PER1: variants seen among roughly 807,000 people sequenced by gnomAD.
The protein encoded by PER1 is period circadian protein homolog 1.
PER1 carries 87 observed loss-of-function variants against 125.9 expected under a neutral mutation model. The ratio of observed to expected loss-of-function variants is 0.69; its 90% CI spans 0.58 to 0.83. The LOEUF is 0.83. PER1 is among the 40% of genes least tolerant of loss of function. The pLI is 0.00. For missense variants in PER1, 1,775 were observed against 1,722.8 expected (o/e 1.03, Z -0.54); for synonymous variants, 801 against 714.7 (o/e 1.12, Z -1.93).
intron 1 of PER1, among the ~76,000 whole-genome samples, chr17:8,151,287 C>A (rs999446649): frequency 6.6e-6 from 1 of 152,254 alleles, no homozygotes; most frequent in Non-Finnish European, 1.5e-5. Context: ...GGCCCCACCA[C>A]GCGCTTCCGC....
intron 14 of PER1, 39 bp from the exon 15 acceptor site, chr17:8,146,804 G>A (rs1982477441): frequency 6.2e-7 from 1 of 1,606,778 alleles, no homozygotes; most frequent in Non-Finnish European, 8.5e-7. Context: ...GCCTTCTCAA[G>A]CTCACATGGA....
chr17:8,143,245 G>A (rs754681633), intron 19 of PER1, 21 bp downstream of exon 19: 2 of 1,446,118 alleles, frequency 1.4e-6, no homozygotes, highest in Non-Finnish European at 1.8e-6. Flanking sequence ...CTGGCAGGCA[G>A]ACGCAGGGGT....
chr17:8,148,336 A>G (rs772937960), intron 8 of PER1, 77 bp from the exon 9 acceptor site: 31 of 1,255,682 alleles, frequency 2.5e-5, no homozygotes, highest in Non-Finnish European at 3.6e-5. Flanking sequence ...GCCTGGGCCC[A>G]GGCTGGCTGA....
intron 1 of PER1, among the ~76,000 whole-genome samples, chr17:8,152,096 G>A (rs1982893139): frequency 6.6e-6 from 1 of 152,196 alleles, no homozygotes; most frequent in African/African-American, 2.4e-5. Context: ...CTGTGGGGCC[G>A]GGAAAGCTGG....
intron 1 of PER1, among the ~76,000 whole-genome samples, chr17:8,151,393 T>C (rs983025770): frequency 6.6e-6 from 1 of 152,104 alleles, no homozygotes; most frequent in African/African-American, 2.4e-5. Flanking sequence ...CCCTCCCCCA[T>C]TTCCCGGCGG....
Position 8,141,242 on chromosome 17 carries a change from C to G in PER1, c.3699G>C (p.Glu1233Asp), listed in dbSNP as rs1385570509. 1.2e-6 allele frequency: 2 copies of G among 1,614,088 alleles called. No homozygotes were observed. The highest frequency in any genetic ancestry group is 1.7e-6 in the Non-Finnish European group (2 of 1,180,050). ...LDGLGLEPME[E>D]GGGEQGSSGG... ...CGCTGCTGCCCTGCTCGCCTCCACC[C>G]TCTTCCATGGGCTCCAGCCCCAGTC... The change falls in exon 23 of 23, where the codon GAG (glutamate) becomes GAC (aspartate). Residue 1233 changes from glutamate to aspartate, a missense_variant. Physicochemically the swap from Glu to Asp is conservative, Grantham distance 45 (BLOSUM62 2). Transcript: ENST00000317276.
intron 18 of PER1, chr17:8,144,218 TG>T (rs1328000244): frequency 5.0e-6 from 2 of 399,768 alleles, no homozygotes; most frequent in African/African-American, 2.1e-5. Context: ...CAAACTCCTG[TG>T]GGCACTGCCA....
intron 7 of PER1, 43 bp from the exon 8 acceptor site, chr17:8,148,829 C>T: frequency 1.2e-6 from 2 of 1,604,074 alleles, no homozygotes; most frequent in Non-Finnish European, 1.7e-6. Flanking sequence ...CAACAGAGAG[C>T]CACCCACTCC....
intron 18 of PER1, 182 bp from the exon 19 acceptor site, chr17:8,144,058 A>C (rs1279379818): frequency 6.7e-6 from 6 of 892,572 alleles, no homozygotes; most frequent in African/African-American, 1.7e-5. Flanking sequence ...CACAGGAGCC[A>C]GGGACAAGGG....
Position 8,148,035 on chromosome 17 carries a change from G to C in PER1, c.1196C>G (p.Pro399Arg). ...AGCCAGCATGAGGGGTCGGTCCTCA[G>C]GATGCAGGAACAGGAGCACTGGGGC... ...LGAPVLLFLHPEDRPLMLAIH... is the reference protein window; with the variant it reads ...LGAPVLLFLHREDRPLMLAIH... Residue 399 changes from proline (P) to arginine (R), a missense_variant, in exon 10 of 23, where the codon CCT (proline) becomes CGT (arginine). Physicochemically the swap from Pro to Arg is moderately radical, Grantham distance 103. Transcript: ENST00000317276. 1 of 1,613,386 alleles carries C rather than the reference G, an allele frequency of 6.2e-7. No individual in the cohort carries two copies. Among genetic ancestry groups the C allele is most frequent in the South Asian group, 1.1e-5 (1 of 91,000 alleles).
chr17:8,147,026 A>T, intron 13 of PER1, 24 bp from the exon 14 acceptor site: 1 of 1,585,826 alleles, frequency 6.3e-7, no homozygotes, highest in African/African-American at 1.3e-5. Context: ...CACCACAGTG[A>T]GCAGAACCAG....
At chr17:8,152,132 G>T (rs1249109267) in intron 1 of PER1, among the ~76,000 whole-genome samples, 1 of 152,232 alleles carries the variant, frequency 6.6e-6, no homozygotes, top group African/African-American at 2.4e-5. Flanking sequence ...ACAAGCTGGA[G>T]GTAAGATGAG....
intron 7 of PER1, 67 bp downstream of exon 7, chr17:8,149,192 A>G: frequency 1.4e-6 from 2 of 1,426,974 alleles, no homozygotes; most frequent in Non-Finnish European, 1.9e-6. Context: ...CCCTTTCAAA[A>G]AGCAAAAACA....
rs1052434149 is a variant in PER1, at chr17:8,148,533, T to C, written c.1048+111A>G. 5 of 1,335,008 alleles carry C rather than the reference T, an allele frequency of 3.7e-6. No homozygotes were observed. The Admixed American group carries it at 9.3e-5, about 25-fold the overall frequency. The allele number at this position is 1,335,008 out of a possible 1,614,324, so 82.7% of individuals were successfully genotyped here. On this transcript the variant is annotated intron_variant, in intron 8 of 22. Transcript: ENST00000317276. Reference sequence around the variant, plus strand: ...AAATCCTCATCTTTACAATAGCTTTTCTTGTTCCAAAATTCAAAGGGTGTG... The same window carrying C: ...AAATCCTCATCTTTACAATAGCTTTCCTTGTTCCAAAATTCAAAGGGTGTG...
At chr17:8,149,207 CAAA>C in intron 7 of PER1, 49 bp downstream of exon 7, 6 of 1,535,956 alleles carry the variant, frequency 3.9e-6, no homozygotes, top group East Asian at 2.3e-5. Context: ...AAAACAAAAA[CAAA>C]AACAAAAAAA....
At chr17:8,142,120 C>T (rs1982116946) in intron 21 of PER1, 149 bp downstream of exon 21, 1 of 1,135,172 alleles carries the variant, frequency 8.8e-7, no homozygotes. Flanking sequence ...CTGCTCTCCT[C>T]CTGGGAGGAA....
In PER1 at chr17:8,141,320, GCTCCCACA is replaced by G. The variant is rs1568022445; in HGVS notation, c.3613_3620del (p.Cys1205GlnfsTer9). Reference sequence around the variant, plus strand: ...CAGGGTGACCAGGATCTTGGGTGCTGCTCCCACAGTCCACACAGGCCTTGGTGAGAGAA... The same window carrying G: ...CAGGGTGACCAGGATCTTGGGTGCTGGTCCACACAGGCCTTGGTGAGAGAA... On this transcript the variant is annotated frameshift_variant, in exon 23 of 23. Coordinates refer to ENST00000317276, the MANE Select transcript of PER1 (RefSeq NM_002616.3). LOFTEE classifies it high-confidence loss of function. 1 of 1,611,242 alleles carries G rather than the reference GCTCCCACA, an allele frequency of 6.2e-7. No individual in the cohort carries two copies. The highest frequency in any genetic ancestry group is 8.5e-7 in the Non-Finnish European group (1 of 1,178,514).
chr17:8,146,560 G>A (rs899204406), intron 15 of PER1, 34 bp downstream of exon 15: 7 of 1,602,016 alleles, frequency 4.4e-6, no homozygotes, highest in South Asian at 3.3e-5. Flanking sequence ...CAGGGTTAGA[G>A]CCCGAGGTGG....
At chr17:8,145,756 A>G (rs903221579) in intron 17 of PER1, among the ~76,000 whole-genome samples, 3 of 152,234 alleles carry the variant, frequency 2.0e-5, no homozygotes, top group African/African-American at 4.8e-5. Flanking sequence ...TGACAGTAAC[A>G]ATACGAGAAG....
Sources: allele counts gnomAD v4.1 joint callset (sites outside exome capture counted in the v4.1 genomes callset), GRCh38; gene constraint gnomAD v4.1.1; transcripts MANE v1.5; gene names NCBI Gene and HGNC (gene_info 2026-07-23, HGNC 2026-07-21).